NAA38: variants seen among roughly 807,000 people sequenced by gnomAD.
NAA38 encodes the protein N-alpha-acetyltransferase 38, NatC auxiliary subunit, also known as LSM domain containing 1.
NAA38 carries 15 observed loss-of-function variants against 12.6 expected under a neutral mutation model. The ratio of observed to expected loss-of-function variants is 1.19; its 90% CI spans 0.79 to 1.83. The LOEUF is 1.83. NAA38 is among the 40% of genes most tolerant of loss of function. The pLI, the probability that NAA38 is intolerant of heterozygous loss-of-function variation, is 0.00. For missense variants in NAA38, 183 were observed against 171.7 expected (o/e 1.07, Z -0.37); for synonymous variants, 88 against 69.9 (o/e 1.26, Z -1.29).
chr17:7,858,148 G>T, upstream of NAA38: 1 of 1,613,522 alleles, frequency 6.2e-7, no homozygotes, highest in Non-Finnish European at 8.5e-7. Flanking sequence ...CCGCGCCGGG[G>T]CCTGGTGGCT....
At chr17:7,880,325 AC>A (rs1360037426) in intron 2 of NAA38, among the ~76,000 whole-genome samples, 2 of 150,706 alleles carry the variant, frequency 1.3e-5, no homozygotes, top group Non-Finnish European at 3.0e-5. Context: ...GAGTGGAGAG[AC>A]ACAAAGATAG....
At chr17:7,866,253 ATTT>A (rs56289148) in intron 3 of NAA38, among the ~76,000 whole-genome samples, 1,748 of 90,524 alleles carry the variant, frequency 0.019, 16 homozygotes, top group Middle Eastern at 0.074. Context: ...AGCCCGGCTA[ATTT>A]TTTTTTTTTT....
chr17:7,858,613 A>G, upstream of NAA38: 1 of 1,605,700 alleles, frequency 6.2e-7, no homozygotes, highest in Non-Finnish European at 8.5e-7. Context: ...AAGATCCGCA[A>G]GCACATAGAT....
intron 1 of NAA38, 37 bp downstream of exon 1, chr17:7,857,346 A>T: frequency 1.2e-6 from 2 of 1,612,792 alleles, no homozygotes; most frequent in Non-Finnish European, 1.7e-6. Context: ...TTGCTGCTTG[A>T]CTGCCCCTCA....
chr17:7,875,086 T>C (rs1270171943), intron 2 of NAA38, among the ~76,000 whole-genome samples: 1 of 151,210 alleles, frequency 6.6e-6, no homozygotes, highest in East Asian at 2.0e-4. Flanking sequence ...GTCCAGCTAC[T>C]TGGGAGGATG....
At chr17:7,859,618 G>A (rs2078868094), upstream of NAA38, 2 of 1,613,192 alleles carry the variant, frequency 1.2e-6, no homozygotes, top group African/African-American at 1.3e-5. Context: ...TGTAGGCAAG[G>A]AGATGTACAC....
chr17:7,865,324 T>A (rs528809708), intron 3 of NAA38: 5 of 152,350 alleles, frequency 3.3e-5, no homozygotes, highest in South Asian at 2.1e-4. Flanking sequence ...AAGGTAGTCA[T>A]AGCCCATCCA....
chr17:7,859,149 A>G (rs1277790361), upstream of NAA38: 13 of 597,072 alleles, frequency 2.2e-5, no homozygotes, highest in Non-Finnish European at 2.4e-5. Flanking sequence ...TTGCATGGAT[A>G]TAGTGAGGGG....
chr17:7,881,902 A>G (rs1420096326), intron 2 of NAA38, among the ~76,000 whole-genome samples: 1 of 151,076 alleles, frequency 6.6e-6, no homozygotes, highest in Admixed American at 6.6e-5. Flanking sequence ...ACAACCAGAG[A>G]GGAAAAAGAG....
At chr17:7,883,286 C>T (rs1386421524) in exon 2 of NAA38, 1 of 152,154 alleles carries the variant, frequency 6.6e-6, no homozygotes, top group Non-Finnish European at 1.5e-5. Context: ...ACCTCAGTTG[C>T]TTCTACTTTA....
intron 2 of NAA38, among the ~76,000 whole-genome samples, chr17:7,880,834 A>G (rs1285699831): frequency 6.6e-6 from 1 of 152,194 alleles, no homozygotes; most frequent in Non-Finnish European, 1.5e-5. Flanking sequence ...AGTAGACTAC[A>G]TTTGGAGAGA....
upstream of NAA38, chr17:7,859,319 C>G: frequency 2.2e-6 from 3 of 1,360,974 alleles, no homozygotes; most frequent in South Asian, 3.6e-5. Context: ...ACTTTGATCC[C>G]AGCGTGTGTA....
chr17:7,858,756 C>T (rs906757818), upstream of NAA38: 7 of 1,597,192 alleles, frequency 4.4e-6, no homozygotes, highest in African/African-American at 9.4e-5. Context: ...TGAGGTGGGG[C>T]GGCTGTCTGC....
intron 2 of NAA38, among the ~76,000 whole-genome samples, chr17:7,868,270 A>AAGAG (rs1186417860): frequency 1.3e-5 from 2 of 152,174 alleles, no homozygotes; most frequent in East Asian, 3.8e-4. Context: ...GAGAGCACAG[A>AAGAG]AGAGAGGGGA....
chr17:7,857,409 G>C lies in NAA38; in HGVS notation c.55C>G (p.Arg19Gly). 6.3e-7 allele frequency: 1 copy of C among 1,598,552 alleles called. No homozygotes were observed. Among genetic ancestry groups the C allele is most frequent in the Non-Finnish European group, 8.5e-7 (1 of 1,174,696 alleles). Residue 19 changes from arginine to glycine, a missense_variant, in exon 1 of 3, where the codon CGG becomes GGG. Physicochemically the swap from Arg to Gly is moderately radical, Grantham distance 125. Transcript: ENST00000575771. The part of the protein sequence containing the change: ...LLREENGCCS[R>G]RQSSSSAGDS... ...CCAGCACTGGAGCTGCTCTGACGCC[G>C]ACTGCAACAGCCATTCTCTTCTCGT...
upstream of NAA38, chr17:7,860,635 TC>T (rs1188163710): frequency 6.6e-6 from 1 of 152,196 alleles, no homozygotes; most frequent in Non-Finnish European, 1.5e-5. Flanking sequence ...GCCACTGCTC[TC>T]AGCAAGTATT....
intron 2 of NAA38, among the ~76,000 whole-genome samples, chr17:7,883,055 C>T (rs912157122): frequency 2.0e-5 from 3 of 152,114 alleles, no homozygotes; most frequent in Admixed American, 6.5e-5. Context: ...TTCCTTTGCT[C>T]CATTTGGCAA....
Position 7,856,724 on chromosome 17 carries a change from A to G in NAA38, c.*7T>C, listed in dbSNP as rs1283253332. ...TAATGAAGTCTGAAAGGTAAGCGCCATCGTGGTCAGAGATACGGAGGCCCG... is the reference window on the plus strand; with the variant it reads ...TAATGAAGTCTGAAAGGTAAGCGCCGTCGTGGTCAGAGATACGGAGGCCCG... On this transcript the variant is annotated 3_prime_UTR_variant, in exon 3 of 3. Transcript: ENST00000575771. 3.1e-6 allele frequency: 5 copies of G among 1,608,906 alleles called. No individual in the cohort carries two copies. The African/African-American group carries it at 5.3e-5, about 17-fold the overall frequency.
chr17:7,877,233 C>T (rs1171036687), intron 2 of NAA38, among the ~76,000 whole-genome samples: 2 of 152,308 alleles, frequency 1.3e-5, no homozygotes, highest in African/African-American at 4.8e-5. Context: ...TCCCCCTTGA[C>T]TATTTTTTCC....
Sources: gnomAD v4.1 joint callset for allele counts (sites outside exome capture counted in the v4.1 genomes callset) on GRCh38, gnomAD v4.1.1 for gene constraint, MANE v1.5 for transcripts, NCBI Gene and HGNC (gene_info 2026-07-23, HGNC 2026-07-21) for gene names.